The following FLI1 variants were observed in gnomAD, a reference collection of about 807,000 sequenced individuals.
The protein encoded by FLI1 is Friend leukemia integration 1 transcription factor.
Under a neutral mutation model 53.1 loss-of-function variants are expected in FLI1, and 13 were observed. The ratio of observed to expected loss-of-function variants is 0.24; its 90% CI spans 0.16 to 0.39. The LOEUF (loss-of-function observed/expected upper bound fraction) is 0.39. Ranked by LOEUF, FLI1 falls within the 10% of genes least tolerant of loss-of-function variation. The probability of loss-of-function intolerance (pLI) is 1.00; values close to 1 mark genes in which losing one functional copy is unlikely to be tolerated. For synonymous variants in FLI1, 244 were observed against 236.7 expected (o/e 1.03, Z -0.28); for missense variants, 424 against 600.5 (o/e 0.71, Z 3.07).
chr11:128,772,596 T>G (rs1485592386), intron 3 of FLI1, among the ~76,000 whole-genome samples, 186 bp from the exon 4 acceptor site: 3 of 152,124 alleles, frequency 2.0e-5, no homozygotes, highest in Non-Finnish European at 2.9e-5. Context: ...GAGTGCTAAG[T>G]GGTTCAGGCA....
intron 5 of FLI1, among the ~76,000 whole-genome samples, chr11:128,794,242 G>T (rs1203316363): frequency 2.0e-5 from 3 of 152,160 alleles, no homozygotes; most frequent in African/African-American, 7.2e-5. Context: ...ATTTAGAGGA[G>T]AAGGGTCCCA....
At chr11:128,713,393 C>T (rs1270079939) in intron 1 of FLI1, among the ~76,000 whole-genome samples, 4 of 151,956 alleles carry the variant, frequency 2.6e-5, no homozygotes, top group Non-Finnish European at 5.9e-5. Context: ...TTTCAAATTG[C>T]ATTGGGAAGA....
At chr11:128,770,665 T>C (rs953839282) in intron 3 of FLI1, among the ~76,000 whole-genome samples, 6 of 152,100 alleles carry the variant, frequency 3.9e-5, no homozygotes, top group African/African-American at 1.2e-4. Context: ...ATAAATAAAA[T>C]ATATGGTGTA....
intron 5 of FLI1, among the ~76,000 whole-genome samples, chr11:128,796,899 C>T (rs1465698534): frequency 2.6e-5 from 4 of 152,194 alleles, no homozygotes; most frequent in Non-Finnish European, 4.4e-5. Context: ...TGCTTGAATC[C>T]GGGAGACGGA....
chr11:128,790,093 T>TGCGC (rs1555123871), intron 5 of FLI1, among the ~76,000 whole-genome samples: 3 of 151,404 alleles, frequency 2.0e-5, no homozygotes, highest in African/African-American at 7.3e-5. Context: ...TGTGTGTGTG[T>TGCGC]GTGCACGCGT....
intron 1 of FLI1, among the ~76,000 whole-genome samples, chr11:128,731,661 C>T (rs902307786): frequency 3.9e-5 from 6 of 152,300 alleles, no homozygotes; most frequent in African/African-American, 1.2e-4. Context: ...ATGCTAGAAA[C>T]GGTCATCGTG....
chr11:128,768,375 T>G (rs1941428365), intron 3 of FLI1, 103 bp downstream of exon 3: 1 of 1,452,042 alleles, frequency 6.9e-7, no homozygotes, highest in South Asian at 1.2e-5. Flanking sequence ...CCTGTGGAAT[T>G]GCAAAATGGA....
At chr11:128,709,558 C>G (rs1938698769) in intron 1 of FLI1, among the ~76,000 whole-genome samples, 1 of 152,142 alleles carries the variant, frequency 6.6e-6, no homozygotes, top group Admixed American at 6.5e-5. Flanking sequence ...TGTGAAACTC[C>G]CATCCCAATC....
At chr11:128,784,696 C>G (rs1942032657) in intron 5 of FLI1, among the ~76,000 whole-genome samples, 1 of 151,634 alleles carries the variant, frequency 6.6e-6, no homozygotes, top group African/African-American at 2.4e-5. Flanking sequence ...AGCCCTCCCT[C>G]TATCCTCCCT....
chr11:128,764,450 C>T (rs914331291), intron 2 of FLI1, among the ~76,000 whole-genome samples: 2 of 152,226 alleles, frequency 1.3e-5, no homozygotes, highest in Admixed American at 6.5e-5. Flanking sequence ...TTGGGGCCAC[C>T]GCCACCTCCC....
chr11:128,698,130 G>A (rs2135696035), intron 1 of FLI1, among the ~76,000 whole-genome samples: 1 of 152,334 alleles, frequency 6.6e-6, no homozygotes, highest in Non-Finnish European at 1.5e-5. Flanking sequence ...GCAAGGCTCT[G>A]GAGGGCAGGT....
chr11:128,771,238 A>G lies in FLI1; in HGVS notation c.386-1544A>G, dbSNP rs576833940. Among the ~76,000 whole-genome samples the G allele has an allele frequency of 2.4e-4, 36 of 152,362 alleles. 2 individuals carry two copies. The South Asian group carries it at 7.5e-3, about 32-fold the overall frequency. On this transcript the variant is annotated intron_variant, in intron 3 of 8. Transcript: ENST00000527786. ...CACAGGGCATTAGGTTGTTGGAATG[A>G]CATTCAGCAGCAGGCTGTGACCTGT...
chr11:128,749,773 T>G (rs1272592460), intron 1 of FLI1, among the ~76,000 whole-genome samples: 1 of 152,216 alleles, frequency 6.6e-6, no homozygotes. Context: ...TATCCAACTT[T>G]CCATAAAATT....
chr11:128,811,068 T>A lies in FLI1; in HGVS notation c.*80T>A. The stretch of plus-strand genomic sequence containing the variant: ...TGCTTTGGACTCAACAGGACATATG[T>A]GGCCTTGAAGGGAAGACAAAACTGG... On this transcript the variant is annotated 3_prime_UTR_variant, in exon 9 of 9. Coordinates refer to ENST00000527786, the MANE Select transcript of FLI1 (RefSeq NM_002017.5). The A allele has an allele frequency of 7.3e-7, 1 of 1,374,410 alleles. No individual in the cohort carries two copies. The highest frequency in any genetic ancestry group is 1.0e-6 in the Non-Finnish European group (1 of 974,204). 85.1% of individuals were successfully genotyped at this position (1,374,410 alleles called of 1,614,324 possible). A position where few individuals can be genotyped will look rare whatever the true frequency, so the allele number is the denominator to read the frequency against.
chr11:128,721,541 A>G (rs1389221315), intron 1 of FLI1, among the ~76,000 whole-genome samples: 1 of 152,212 alleles, frequency 6.6e-6, no homozygotes, highest in Non-Finnish European at 1.5e-5. Context: ...TCAGTCTCAC[A>G]GTCCAGCTGC....
chr11:128,764,695 A>G (rs1305562914), intron 2 of FLI1: 7 of 1,543,752 alleles, frequency 4.5e-6, no homozygotes, highest in Non-Finnish European at 5.2e-6. Flanking sequence ...GCTGGGCTTC[A>G]CCTGTACCCA....
chr11:128,736,214 C>T (rs534122869), intron 1 of FLI1, among the ~76,000 whole-genome samples: 2 of 133,202 alleles, frequency 1.5e-5, no homozygotes, highest in East Asian at 5.1e-4. Context: ...GCTTTCCTTT[C>T]CGAAGAGCTG....
chr11:128,769,706 T>C (rs1941482846), intron 3 of FLI1, among the ~76,000 whole-genome samples: 1 of 152,228 alleles, frequency 6.6e-6, no homozygotes, highest in African/African-American at 2.4e-5. Context: ...CACAAGCATC[T>C]GACCTAACAA....
intron 3 of FLI1, chr11:128,768,489 G>A (rs1231686549): frequency 3.7e-6 from 2 of 547,234 alleles, no homozygotes; most frequent in South Asian, 2.2e-5. Context: ...GACCAGCCTA[G>A]CCAACGTGGT....
Sources: gnomAD v4.1 joint callset for allele counts (sites outside exome capture counted in the v4.1 genomes callset) on GRCh38, gnomAD v4.1.1 for gene constraint, MANE v1.5 for transcripts, NCBI Gene and HGNC (gene_info 2026-07-23, HGNC 2026-07-21) for gene names.